Variants in AMOTL2 observed in about 807,000 individuals in gnomAD.
The protein encoded by AMOTL2 is angiomotin like 2.
AMOTL2 carries 33 observed loss-of-function variants against 78.4 expected under a neutral mutation model. That is an observed-to-expected ratio of 0.42 (90% CI 0.32 to 0.56). The LOEUF (loss-of-function observed/expected upper bound fraction) is 0.56. Among genes scored for constraint, AMOTL2 ranks in the 20% least tolerant of loss-of-function variants. The pLI, the probability that AMOTL2 is intolerant of heterozygous loss-of-function variation, is 0.12. For synonymous variants in AMOTL2, 422 were observed against 428.8 expected (o/e 0.98, Z 0.20); for missense variants, 983 against 1,030.1 (o/e 0.95, Z 0.63).
intron 5 of AMOTL2, among the ~76,000 whole-genome samples, chr3:134,363,150 C>T (rs1011472750): frequency 2.0e-5 from 3 of 152,178 alleles, no homozygotes; most frequent in Non-Finnish European, 2.9e-5. Flanking sequence ...AGGGTGAAGG[C>T]TTGAGACCTT....
At chr3:134,361,946 T>A in intron 5 of AMOTL2, 139 bp from the exon 6 acceptor site, 1 of 776,280 alleles carries the variant, frequency 1.3e-6, no homozygotes, top group Non-Finnish European at 2.0e-6. Context: ...GTACCACTAT[T>A]AACCCTGTTT....
At chr3:134,374,857 C>T, upstream of AMOTL2, 3 of 1,222,338 alleles carry the variant, frequency 2.5e-6, no homozygotes, top group African/African-American at 3.1e-5. Flanking sequence ...ACAGCAAGGG[C>T]TGTACCACGC....
chr3:134,360,883 C>G lies in AMOTL2; in HGVS notation c.1576-470G>C, dbSNP rs115458027. On this transcript the variant is annotated intron_variant, in intron 6 of 9. Transcript: ENST00000249883. Reference sequence around the variant, plus strand: ...CCAATCTTGGGGAGGCATATAAAAGCTGGCTGGTGGCCAGACGCAGTGGCT... The same window carrying G: ...CCAATCTTGGGGAGGCATATAAAAGGTGGCTGGTGGCCAGACGCAGTGGCT... Among the ~76,000 whole-genome samples, 697 of 152,318 alleles carry G rather than the reference C, an allele frequency of 4.6e-3. 3 individuals are homozygous for G. Among genetic ancestry groups the G allele is most frequent in the African/African-American group, 0.016 (668 of 41,572 alleles).
At chr3:134,374,132 C>T (rs1194443600) in intron 1 of AMOTL2, 3 of 741,892 alleles carry the variant, frequency 4.0e-6, no homozygotes, top group Non-Finnish European at 4.9e-6. Flanking sequence ...TCTAGAGCCC[C>T]GCAAAGCCCA....
At chr3:134,369,555 T>A (rs2017764257) in intron 2 of AMOTL2, among the ~76,000 whole-genome samples, 1 of 152,166 alleles carries the variant, frequency 6.6e-6, no homozygotes, top group Non-Finnish European at 1.5e-5. Flanking sequence ...GGCGATAAAG[T>A]GCGAGTCTGG....
intron 8 of AMOTL2, among the ~76,000 whole-genome samples, chr3:134,359,074 T>A (rs777259939): frequency 5.9e-5 from 9 of 152,144 alleles, no homozygotes; most frequent in Non-Finnish European, 8.8e-5. Context: ...GAATTTATGG[T>A]GATGGGGACT....
chr3:134,375,249 C>T, upstream of AMOTL2: 9 of 1,535,680 alleles, frequency 5.9e-6, no homozygotes, highest in Non-Finnish European at 7.8e-6. Context: ...ATAATAGGCG[C>T]CCCTTTACGC....
chr3:134,372,277 G>A (rs2017896666), intron 1 of AMOTL2, among the ~76,000 whole-genome samples: 1 of 152,132 alleles, frequency 6.6e-6, no homozygotes, highest in Non-Finnish European at 1.5e-5. Flanking sequence ...AATGAATCTG[G>A]GGCTCCCTGT....
At position 134,371,043 on chromosome 3, in the gene AMOTL2, G is replaced by A; in HGVS notation, c.391C>T (p.Arg131Ter). The change falls in exon 2 of 10, where the codon CGA (arginine) becomes TGA (stop). Residue 131 changes from arginine to a stop codon, truncating the protein, a stop_gained. Coordinates refer to ENST00000249883, the MANE Select transcript of AMOTL2 (RefSeq NM_016201.4). LOFTEE classifies it high-confidence loss of function. ...CCTCCCGGGGCCCCACGGGGATCTCGGTCCCCCGCATGTGGCCGGGTCCCT... is the reference window on the plus strand; with the variant it reads ...CCTCCCGGGGCCCCACGGGGATCTCAGTCCCCCGCATGTGGCCGGGTCCCT... The part of the protein sequence containing the change: ...QAGTRPHAGD[R>*]DPRGAPGGSR... 5 of 1,607,472 alleles carry A rather than the reference G, an allele frequency of 3.1e-6. No homozygotes were observed. The highest frequency in any genetic ancestry group is 3.4e-6 in the Non-Finnish European group (4 of 1,177,068).
At chr3:134,373,792 C>T (rs1419762805) in intron 1 of AMOTL2, 1 of 985,382 alleles carries the variant, frequency 1.0e-6, no homozygotes, top group Non-Finnish European at 1.2e-6. Flanking sequence ...CCTCTCGAGC[C>T]CTCTTTGTTT....
At chr3:134,374,857 C>G, upstream of AMOTL2, 1 of 1,222,338 alleles carries the variant, frequency 8.2e-7, no homozygotes, top group Non-Finnish European at 1.0e-6. Flanking sequence ...ACAGCAAGGG[C>G]TGTACCACGC....
At chr3:134,367,933 A>G (rs1386248953) in intron 2 of AMOTL2, 130 bp from the exon 3 acceptor site, 1 of 719,226 alleles carries the variant, frequency 1.4e-6, no homozygotes, top group African/African-American at 1.9e-5. Context: ...TTAATATATT[A>G]TTAAAATTAC....
chr3:134,361,368 GC>G, intron 6 of AMOTL2, 143 bp downstream of exon 6: 1 of 960,798 alleles, frequency 1.0e-6, no homozygotes, highest in African/African-American at 1.7e-5. Flanking sequence ...AATCATCCTC[GC>G]CGCCTTCCAA....
At position 134,367,821 on chromosome 3, in the gene AMOTL2, C is replaced by A. The variant is rs371962499; in HGVS notation, c.735-18G>T. On this transcript the variant is annotated intron_variant, in intron 2 of 9. Transcript: ENST00000249883. ...GCAGGATCCTGGGGAACAGAAGAGA[C>A]GGTGCTCAGAGACAGCACAGACCCT... is the stretch of plus-strand genomic sequence containing the variant. 30 of 1,612,188 alleles carry A rather than the reference C, an allele frequency of 1.9e-5. No homozygotes were observed. In the Middle Eastern group the frequency reaches 5.0e-4, roughly 27 times the overall value.
chr3:134,372,464 C>G (rs1030546163), intron 1 of AMOTL2, among the ~76,000 whole-genome samples: 3 of 151,540 alleles, frequency 2.0e-5, no homozygotes, highest in Admixed American at 1.3e-4. Context: ...CTGACAGTAA[C>G]TGCAAGAGAG....
At chr3:134,373,498 G>T in intron 1 of AMOTL2, 1 of 985,492 alleles carries the variant, frequency 1.0e-6, no homozygotes, top group South Asian at 4.7e-5. Flanking sequence ...ACCTGCTTCC[G>T]CGCCCCCGGC....
At chr3:134,361,302 G>C (rs1282657584) in intron 6 of AMOTL2, among the ~76,000 whole-genome samples, 2 of 152,244 alleles carry the variant, frequency 1.3e-5, no homozygotes, top group East Asian at 3.8e-4. Context: ...AGGTGGCAGG[G>C]CCTCTACTAA....
chr3:134,373,379 C>G, intron 1 of AMOTL2: 1 of 802,534 alleles, frequency 1.2e-6, no homozygotes, highest in Non-Finnish European at 1.5e-6. Flanking sequence ...ATAGTGTGCC[C>G]GGACTGGGAG....
At chr3:134,362,074 G>C (rs1406750039) in intron 5 of AMOTL2, among the ~76,000 whole-genome samples, 1 of 152,184 alleles carries the variant, frequency 6.6e-6, no homozygotes, top group Non-Finnish European at 1.5e-5. Flanking sequence ...TACTGCCATG[G>C]GACAGCCCCA....
Sources: allele counts gnomAD v4.1 joint callset (sites outside exome capture counted in the v4.1 genomes callset), GRCh38; gene constraint gnomAD v4.1.1; transcripts MANE v1.5; gene names NCBI Gene and HGNC (gene_info 2026-07-23, HGNC 2026-07-21).